The following MARCHF7 variants were observed in gnomAD, a reference collection of about 807,000 sequenced individuals.
The protein encoded by MARCHF7 is E3 ubiquitin-protein ligase MARCHF7.
MARCHF7 carries 20 observed loss-of-function variants against 76.5 expected under a neutral mutation model. The observed-to-expected ratio is 0.26, with a 90% CI of 0.18 to 0.38. The LOEUF (loss-of-function observed/expected upper bound fraction) is 0.38. Among genes scored for constraint, MARCHF7 ranks in the 10% least tolerant of loss-of-function variants. MARCHF7 has a pLI of 1.00. For synonymous variants in MARCHF7, 295 were observed against 293.0 expected (o/e 1.01, Z -0.07); for missense variants, 797 against 812.9 (o/e 0.98, Z 0.24).
chr2:159,723,479 G>C (rs2125336971), intron 3 of MARCHF7, among the ~76,000 whole-genome samples: 1 of 152,308 alleles, frequency 6.6e-6, no homozygotes, highest in South Asian at 2.1e-4. Context: ...GAAAAGAGCA[G>C]TCCTTTTCCT....
chr2:159,757,898 A>G (rs1706535702), intron 8 of MARCHF7, among the ~76,000 whole-genome samples: 1 of 152,224 alleles, frequency 6.6e-6, no homozygotes, highest in East Asian at 1.9e-4. Flanking sequence ...TTGAGACAGC[A>G]TACTTCTTCA....
At chr2:159,729,634 C>T (rs1357019090) in intron 4 of MARCHF7, among the ~76,000 whole-genome samples, 1 of 151,384 alleles carries the variant, frequency 6.6e-6, no homozygotes, top group Non-Finnish European at 1.5e-5. Context: ...GATCATGAGA[C>T]TGCACTCCAG....
intron 6 of MARCHF7, 127 bp from the exon 7 acceptor site, chr2:159,747,678 C>A: frequency 2.4e-6 from 2 of 836,748 alleles, no homozygotes; most frequent in Non-Finnish European, 1.8e-6. Flanking sequence ...TAATAGTAAA[C>A]TCTGTAGTTA....
chr2:159,725,801 T>G (rs1702096727), intron 3 of MARCHF7, among the ~76,000 whole-genome samples: 1 of 152,188 alleles, frequency 6.6e-6, no homozygotes, highest in Non-Finnish European at 1.5e-5. Context: ...AGGGAAGCAT[T>G]AAAAATTCTG....
intron 3 of MARCHF7, 51 bp from the exon 4 acceptor site, chr2:159,728,958 A>G: frequency 8.3e-7 from 1 of 1,197,838 alleles, no homozygotes; most frequent in East Asian, 2.5e-5. Context: ...TTAAGCATTA[A>G]AGGCTTTCAT....
rs1242786104 is a variant in MARCHF7 at position 159,770,586 on chromosome 2, G to A, written c.*3244G>A. The A allele has an allele frequency of 6.6e-6, 1 of 152,124 alleles. No homozygotes were observed. The highest frequency in any genetic ancestry group is 1.5e-5 in the Non-Finnish European group (1 of 68,016). The allele number at this position is 152,124 out of a possible 1,614,324, so 9.4% of individuals were successfully genotyped here. ...CAGAAGAGGGATTACTTTTCTTTGA[G>A]CCTCAGACTTCTAGACAGTATACTT... is the stretch of plus-strand genomic sequence containing the variant. On this transcript the variant is annotated 3_prime_UTR_variant, in exon 12 of 12. Transcript: ENST00000409175.
At chr2:159,741,908 C>G (rs1704171330) in intron 4 of MARCHF7, among the ~76,000 whole-genome samples, 1 of 151,752 alleles carries the variant, frequency 6.6e-6, no homozygotes, top group Non-Finnish European at 1.5e-5. Flanking sequence ...TATCTGTGTC[C>G]TGTCTGTGTG....
rs1708024898 is a variant in MARCHF7, at chr2:159,768,611, CAAAGA to C, written c.*1271_*1275del. On this transcript the variant is annotated 3_prime_UTR_variant, in exon 12 of 12. Transcript: ENST00000409175. ...AAATGTTTCCTTTTAAACTGGTGCT[CAAAGA>C]AGACATCAGACTTCATAACCAAGAA... 1 of 152,548 alleles carries C rather than the reference CAAAGA, an allele frequency of 6.6e-6. No individual in the cohort carries two copies. The highest frequency in any genetic ancestry group is 1.5e-5 in the Non-Finnish European group (1 of 68,008). The allele number at this position is 152,548 out of a possible 1,614,324, so 9.4% of individuals were successfully genotyped here. A position where few individuals can be genotyped will look rare whatever the true frequency, so the allele number is the denominator to read the frequency against.
At chr2:159,760,143 A>G (rs1706855252) in intron 9 of MARCHF7, among the ~76,000 whole-genome samples, 2 of 152,186 alleles carry the variant, frequency 1.3e-5, no homozygotes, top group South Asian at 2.1e-4. Context: ...GGCAACTACC[A>G]GTCTGTGTTG....
At chr2:159,717,218 G>C (rs930184384) in intron 3 of MARCHF7, among the ~76,000 whole-genome samples, 1 of 152,162 alleles carries the variant, frequency 6.6e-6, no homozygotes, top group Non-Finnish European at 1.5e-5. Context: ...CACAAGACTG[G>C]GGTGGGGAAG....
At position 159,770,944 on chromosome 2, in the gene MARCHF7, T is replaced by C. The variant is rs1050279832; in HGVS notation, c.*3602T>C. ...GGTGAGGAAAATTACTCGTTTCAGC[T>C]TTTTCATTTTTTTACTCCCCAAATG... On this transcript the variant is annotated 3_prime_UTR_variant, in exon 12 of 12. Coordinates refer to ENST00000409175, the MANE Select transcript of MARCHF7 (RefSeq NM_001282805.2). 1 of 152,206 alleles carries C rather than the reference T, an allele frequency of 6.6e-6. No homozygotes were observed. The highest frequency in any genetic ancestry group is 1.5e-5 in the Non-Finnish European group (1 of 68,008). The allele number at this position is 152,206 out of a possible 1,614,324, so 9.4% of individuals were successfully genotyped here.
intron 7 of MARCHF7, among the ~76,000 whole-genome samples, chr2:159,751,842 T>C (rs1345206537): frequency 6.6e-6 from 1 of 152,216 alleles, no homozygotes; most frequent in Non-Finnish European, 1.5e-5. Flanking sequence ...TTTTAAAGCA[T>C]TCTTTCAAAT....
intron 4 of MARCHF7, 39 bp downstream of exon 4, chr2:159,729,214 T>C: frequency 6.8e-7 from 1 of 1,469,338 alleles, no homozygotes; most frequent in Non-Finnish European, 9.2e-7. Context: ...ACAGCCTTTT[T>C]CAAAATCCCT....
rs1705161007 is a variant in MARCHF7, at chr2:159,748,384, G to T, written c.1094G>T (p.Ser365Ile). ...WGLSSLSHNH[S>I]SESDSENFNQ... ...TTGTCATCTCTTAGCCACAATCATAGCTCTGAGTCAGATTCAGAAAATTTT... is the reference window on the plus strand; with the variant it reads ...TTGTCATCTCTTAGCCACAATCATATCTCTGAGTCAGATTCAGAAAATTTT... The change falls in exon 7 of 12, where the codon AGC becomes ATC. Residue 365 changes from serine to isoleucine, a missense_variant. Transcript: ENST00000409175. The T allele has an allele frequency of 1.2e-6, 2 of 1,613,926 alleles. No homozygotes were observed. Among genetic ancestry groups the T allele is most frequent in the Non-Finnish European group, 1.7e-6 (2 of 1,180,034 alleles).
chr2:159,737,804 G>A (rs1703639942), intron 4 of MARCHF7, among the ~76,000 whole-genome samples: 1 of 152,158 alleles, frequency 6.6e-6, no homozygotes, highest in Non-Finnish European at 1.5e-5. Context: ...TAAAAAAAAA[G>A]ATGGACAATC....
chr2:159,720,285 A>G (rs928163748), intron 3 of MARCHF7, among the ~76,000 whole-genome samples: 6 of 152,144 alleles, frequency 3.9e-5, no homozygotes, highest in African/African-American at 1.4e-4. Flanking sequence ...TGGCCTCCCA[A>G]AGTGCTGGGA....
At chr2:159,752,368 A>C (rs781750089) in intron 7 of MARCHF7, 34 bp from the exon 8 acceptor site, 4 of 1,523,760 alleles carry the variant, frequency 2.6e-6, no homozygotes, top group Non-Finnish European at 2.6e-6. Flanking sequence ...AGGATGAGTT[A>C]TGATAGCTTT....
At chr2:159,744,461 T>C (rs893099017) in intron 5 of MARCHF7, among the ~76,000 whole-genome samples, 1 of 152,206 alleles carries the variant, frequency 6.6e-6, no homozygotes, top group African/African-American at 2.4e-5. Flanking sequence ...AAAAGATCTT[T>C]TGTTGAAAGG....
intron 3 of MARCHF7, among the ~76,000 whole-genome samples, chr2:159,728,387 G>A (rs1702409287): frequency 6.6e-6 from 1 of 152,328 alleles, no homozygotes; most frequent in South Asian, 2.1e-4. Flanking sequence ...AGTACCTATT[G>A]TATCCCAGGC....
Sources: gnomAD v4.1 joint callset for allele counts (sites outside exome capture counted in the v4.1 genomes callset) on GRCh38, gnomAD v4.1.1 for gene constraint, MANE v1.5 for transcripts, NCBI Gene and HGNC (gene_info 2026-07-23, HGNC 2026-07-21) for gene names.